The following FAT2 variants were observed in gnomAD, a reference collection of about 807,000 sequenced individuals.
FAT2 encodes the protein protocadherin Fat 2.
A neutral mutation model predicts 295.3 loss-of-function variants in FAT2; 150 were observed. The observed-to-expected ratio is 0.51, with a 90% confidence interval of 0.44 to 0.58. The LOEUF is 0.58. Ranked by LOEUF, FAT2 falls within the 20% of genes least tolerant of loss-of-function variation. FAT2 has a pLI of 0.00. For missense variants in FAT2, 4,868 were observed against 5,442.7 expected, an observed-to-expected ratio of 0.89 and a Z score of 3.32; for synonymous variants, 2,026 against 2,150.3, an observed-to-expected ratio of 0.94 and a Z score of 1.60.
rs1561893498 is a variant in FAT2, at chr5:151,591,220, CT to C, written c.-77del. 6.6e-6 allele frequency among the ~76,000 whole-genome samples: 1 copy of C among 152,246 alleles called. No homozygotes were observed. Among genetic ancestry groups the C allele is most frequent in the East Asian group, 1.9e-4 (1 of 5,188 alleles). ...AGAGCAGGCTGCTGGGCTGGCGCCCCTCTCACGAGGGCCAGGCTGACAGGCT... is the reference window on the plus strand; with the variant it reads ...AGAGCAGGCTGCTGGGCTGGCGCCCCCTCACGAGGGCCAGGCTGACAGGCT... On this transcript the variant is annotated 5_prime_UTR_variant, in exon 1 of 24. Transcript: ENST00000261800.
Position 151,554,364 on chromosome 5 carries a change from T to A in FAT2, c.3943A>T (p.Thr1315Ser), listed in dbSNP as rs1241571534. Residue 1315 changes from threonine (T) to serine (S), a missense_variant and splice_region_variant, in exon 5 of 24, where the codon ACG becomes TCG. Thr to Ser is a moderately conservative substitution (Grantham distance 58). Transcript: ENST00000261800. ...TFTAGEYNILTIKATDSGQPP... is the reference protein window; with the variant it reads ...TFTAGEYNILSIKATDSGQPP... ...GTGGCTTCCTTCTGTCTGCTCACCG[T>A]TAGGATGTTGTACTCTCCAGCTGTA... 6.2e-7 allele frequency: 1 copy of A among 1,612,856 alleles called. No homozygotes were observed. The highest frequency in any genetic ancestry group is 1.7e-5 in the Admixed American group (1 of 59,994).
In FAT2 at chr5:151,550,692, TC is replaced by T. The variant is rs1448989931; in HGVS notation, c.4475del (p.Gly1492GlufsTer16). 1 of 1,614,222 alleles carries T rather than the reference TC, an allele frequency of 6.2e-7. No homozygotes were observed. The highest frequency in any genetic ancestry group is 8.5e-7 in the Non-Finnish European group (1 of 1,180,026). ...GGTCCAGCTGGAAGAGGCTGGCACT[TC>T]CTGGGTCTTGGCTGCCATGTATGGT... Reference protein sequence around the residue: ...IYTIHGSQDPGSASLFQLDPS... With the variant: ...IYTIHGSQDPXSASLFQLDPS... On this transcript the variant is annotated frameshift_variant, in exon 8 of 24. Transcript: ENST00000261800. LOFTEE classifies it high-confidence loss of function.
rs1184027494 is a variant in FAT2, at chr5:151,527,295, A to C, written c.10247T>G (p.Val3416Gly). 6.2e-7 allele frequency: 1 copy of C among 1,613,242 alleles called. No individual in the cohort carries two copies. The highest frequency in any genetic ancestry group is 1.1e-5 in the South Asian group (1 of 90,966). ...CGGTGGGTTATCATTGACATCAGCC[A>C]CTTGGATAGCGATGTCTGTGTCCTC... ...LHEDTDIAIQ[V>G]ADVNDNPPRF... Residue 3416 changes from valine (V) to glycine (G), a missense_variant, in exon 17 of 24, where the codon GTG becomes GGG. Around this residue, in one of 5 missense-constraint regions of FAT2, gnomAD observed 1,046 missense variants for 1,210.1 expected, o/e 0.86. Coordinates refer to ENST00000261800, the MANE Select transcript of FAT2 (RefSeq NM_001447.3).
chr5:151,528,820 GT>G (rs1316998980), intron 15 of FAT2, among the ~76,000 whole-genome samples: 2 of 152,156 alleles, frequency 1.3e-5, no homozygotes, highest in Non-Finnish European at 2.9e-5. Flanking sequence ...CCCCACAACT[GT>G]CATTCCACGT....
chr5:151,532,857 CAA>C (rs1269910534), intron 13 of FAT2, among the ~76,000 whole-genome samples: 1 of 152,188 alleles, frequency 6.6e-6, no homozygotes, highest in African/African-American at 2.4e-5. Context: ...ACGTGGAACA[CAA>C]ACTTCTCTGG....
intron 4 of FAT2, among the ~76,000 whole-genome samples, chr5:151,556,000 C>G (rs1316800063): frequency 5.9e-5 from 9 of 152,158 alleles, no homozygotes; most frequent in African/African-American, 2.2e-4. Flanking sequence ...TGCTACTGAC[C>G]TAGTGTTTGA....
rs1761408941 is a variant in FAT2 at position 151,512,621 on chromosome 5, C to A, written c.11464-15G>T. On this transcript the variant is annotated splice_polypyrimidine_tract_variant and intron_variant, in intron 20 of 23. Transcript: ENST00000261800. The surrounding 1 kb of genome is among the most constrained non-coding windows in gnomAD (Gnocchi z 4.1). ...CCACTGGCCAGCTGCAAAGGAAATC[C>A]AAACAGCCATCAGCAAAGCCAAGGA... is the stretch of plus-strand genomic sequence containing the variant. 1 of 1,579,462 alleles carries A rather than the reference C, an allele frequency of 6.3e-7. No homozygotes were observed. The highest frequency in any genetic ancestry group is 1.2e-5 in the South Asian group (1 of 86,952).
intron 3 of FAT2, among the ~76,000 whole-genome samples, chr5:151,557,667 T>G (rs553473613): frequency 6.6e-6 from 1 of 152,382 alleles, no homozygotes; most frequent in African/African-American, 2.4e-5. Flanking sequence ...ATACTATGTT[T>G]GGAATTTTCT....
In FAT2 at chr5:151,554,318, C is replaced by T. The variant is rs754078670; in HGVS notation, c.3945+44G>A. The T allele has an allele frequency of 3.2e-6, 5 of 1,564,214 alleles. No individual in the cohort carries two copies. In the South Asian group the frequency reaches 3.6e-5, roughly 11 times the overall value. On this transcript the variant is annotated intron_variant, in intron 5 of 23. Coordinates refer to ENST00000261800, the MANE Select transcript of FAT2 (RefSeq NM_001447.3). Reference sequence around the variant, plus strand: ...TGAATTCTCAAAGAAGGCCACTAACCAGCATGCCACTCCTCCCTCCGTGGC... The same window carrying T: ...TGAATTCTCAAAGAAGGCCACTAACTAGCATGCCACTCCTCCCTCCGTGGC...
chr5:151,581,133 C>A (rs186209657), intron 1 of FAT2, among the ~76,000 whole-genome samples: 29 of 152,270 alleles, frequency 1.9e-4, no homozygotes, highest in African/African-American at 6.7e-4. Flanking sequence ...AGTCCTGCCC[C>A]GGGCCCACTG....
chr5:151,578,424 A>G (rs1004875921), intron 1 of FAT2, among the ~76,000 whole-genome samples: 3 of 152,200 alleles, frequency 2.0e-5, no homozygotes, highest in African/African-American at 7.2e-5. Context: ...TAAAGCCACA[A>G]TTAGATTATG....
Position 151,508,201 on chromosome 5 carries a change from G to C in FAT2, c.12060-590C>G, listed in dbSNP as rs1177970781. ...TCCACTTTTGAGGGCTATTGGGAAA[G>C]TTTGCCCCATCCCATTTGAGTCCAA... On this transcript the variant is annotated intron_variant, in intron 22 of 23. Coordinates refer to ENST00000261800, the MANE Select transcript of FAT2 (RefSeq NM_001447.3). Among the ~76,000 whole-genome samples the C allele has an allele frequency of 2.0e-5, 3 of 152,220 alleles. No homozygotes were observed. The East Asian group carries it at 5.8e-4, about 29-fold the overall frequency.
chr5:151,542,550 T>A lies in FAT2; in HGVS notation c.8577A>T (p.Thr2859=). ...AGGTCTCACAGTCAAGTTCCTGGAG[T>A]GTGGTGATCCAACCACTCTCACTGT... The part of the protein sequence containing the change: ...AIDSESGWIT[T]LQELDCETCQ... Residue 2859 remains threonine (T), a synonymous_variant, in exon 10 of 24, where the codon ACA becomes ACT. Coordinates refer to ENST00000261800, the MANE Select transcript of FAT2 (RefSeq NM_001447.3). 6.2e-7 allele frequency: 1 copy of A among 1,613,990 alleles called. No homozygotes were observed. The highest frequency in any genetic ancestry group is 1.1e-5 in the South Asian group (1 of 91,076).
In FAT2 at chr5:151,545,540, T is replaced by C; in HGVS notation, c.5587A>G (p.Arg1863Gly). 1 of 1,614,128 alleles carries C rather than the reference T, an allele frequency of 6.2e-7. No homozygotes were observed. The highest frequency in any genetic ancestry group is 8.5e-7 in the Non-Finnish European group (1 of 1,179,972). ...CTGGGAGGGGAATCATTCACATCTC[T>C]GACATGAATGATGACTTGGGCAGGT... ...PRPAQVIIHV[R>G]DVNDSPPRFS... The change falls in exon 10 of 24, where the codon AGA (arginine) becomes GGA (glycine). Residue 1863 changes from arginine to glycine, a missense_variant. Physicochemically the swap from Arg to Gly is moderately radical, Grantham distance 125. Around this residue, in one of 5 missense-constraint regions of FAT2, gnomAD observed 3,297 missense variants for 3,669.4 expected, o/e 0.90. Coordinates refer to ENST00000261800, the MANE Select transcript of FAT2 (RefSeq NM_001447.3).
At position 151,542,464 on chromosome 5, in the gene FAT2, G is replaced by A; in HGVS notation, c.8663C>T (p.Ser2888Phe). The change falls in exon 10 of 24, where the codon TCT becomes TTT. Residue 2888 changes from serine (S) to phenylalanine (F), a missense_variant. Ser to Phe is a radical substitution (Grantham distance 155). Coordinates refer to ENST00000261800, the MANE Select transcript of FAT2 (RefSeq NM_001447.3). The stretch of plus-strand genomic sequence containing the variant: ...AATGGAGACCTGAACCAGGGCCTGA[G>A]AGGATAGCTGGATGGTCTGTCCGTG... ...YDHGQTIQLS[S>F]QALVQVSITD... 3 of 1,614,212 alleles carry A rather than the reference G, an allele frequency of 1.9e-6. No individual in the cohort carries two copies. The highest frequency in any genetic ancestry group is 2.5e-6 in the Non-Finnish European group (3 of 1,180,038).
Position 151,543,651 on chromosome 5 carries a change from C to T in FAT2, c.7476G>A (p.Glu2492=), listed in dbSNP as rs754075964. 5.9e-5 allele frequency: 95 copies of T among 1,614,042 alleles called. No homozygotes were observed. Among genetic ancestry groups the T allele is most frequent in the Middle Eastern group, 3.3e-4 (2 of 6,084 alleles). Residue 2492 remains glutamate (E), a synonymous_variant, in exon 10 of 24, where the codon GAG becomes GAA. Transcript: ENST00000261800. ...TCACCTTGGTTCCAACCATTGCATT[C>T]TCTGCTAATTCTGCCTCATAAAGGT... ...QQHLYEAELA[E]NAMVGTKVID...
At chr5:151,581,016 T>G (rs1042572250) in intron 1 of FAT2, among the ~76,000 whole-genome samples, 1 of 152,084 alleles carries the variant, frequency 6.6e-6, no homozygotes, top group Non-Finnish European at 1.5e-5. Flanking sequence ...CAGTCTCACG[T>G]GGCCACTCCC....
In FAT2 at chr5:151,527,510, G is replaced by A. The variant is rs3734052; in HGVS notation, c.10165-133C>T. The A allele has an allele frequency of 1.1e-3, 870 of 807,088 alleles. 10 individuals carry two copies. In the East Asian group the frequency reaches 0.021, roughly 20 times the overall value. 50.0% of individuals were successfully genotyped at this position (807,088 alleles called of 1,614,324 possible). A position where few individuals can be genotyped will look rare whatever the true frequency, so the allele number is the denominator to read the frequency against. On this transcript the variant is annotated intron_variant, in intron 16 of 23. Coordinates refer to ENST00000261800, the MANE Select transcript of FAT2 (RefSeq NM_001447.3). ...CTATGCCCACCCCCACTGCCCACCC[G>A]TAGCATTTTAGGGCTTAGGTTCTGG...
At position 151,563,424 on chromosome 5, in the gene FAT2, G is replaced by T. The variant is rs138553789; in HGVS notation, c.3475C>A (p.Leu1159Met). Residue 1159 changes from leucine (L) to methionine (M), a missense_variant, in exon 3 of 24, where the codon CTG becomes ATG. Around this residue, in one of 5 missense-constraint regions of FAT2, gnomAD observed 3,297 missense variants for 3,669.4 expected, o/e 0.90. Coordinates refer to ENST00000261800, the MANE Select transcript of FAT2 (RefSeq NM_001447.3). ...CTGGAGTCTGGGTCCCAGGCATCCA[G>T]TTGAAGCACAGAGGTGCCCACGGGA... ...DAPVGTSVLQ[L>M]DAWDPDSSSK... 1.6e-3 allele frequency: 2,509 copies of T among 1,614,238 alleles called. 2 individuals are homozygous for T. The highest frequency in any genetic ancestry group is 1.9e-3 in the Non-Finnish European group (2,253 of 1,180,038).
Sources: allele counts gnomAD v4.1 joint callset (sites outside exome capture counted in the v4.1 genomes callset), GRCh38; gene constraint gnomAD v4.1.1; regional missense constraint gnomAD v4.1.1; non-coding constraint Gnocchi (gnomAD v3.1); transcripts MANE v1.5; gene names NCBI Gene and HGNC (gene_info 2026-07-23, HGNC 2026-07-21).